Variants in STK16 observed in about 807,000 individuals in gnomAD.
STK16 encodes the protein serine/threonine kinase 16.
STK16 carries 28 observed loss-of-function variants against 37.8 expected under a neutral mutation model. That is an observed-to-expected ratio of 0.74 (90% CI 0.55 to 1.02). The LOEUF (loss-of-function observed/expected upper bound fraction) is 1.02. Among genes scored for constraint, STK16 ranks in the 50% least tolerant of loss-of-function variants. The pLI is 0.00. For missense variants in STK16, 349 were observed against 390.6 expected, an observed-to-expected ratio of 0.89 and a Z score of 0.90; for synonymous variants, 134 against 155.0, an observed-to-expected ratio of 0.86 and a Z score of 1.01.
In STK16 at chr2:219,248,758, G is replaced by C. The variant is rs1039686198; in HGVS notation, c.*199G>C. 1 of 531,896 alleles carries C rather than the reference G, an allele frequency of 1.9e-6. No homozygotes were observed. The allele number at this position is 531,896 out of a possible 1,614,324, so 32.9% of individuals were successfully genotyped here. A position where few individuals can be genotyped will look rare whatever the true frequency, so the allele number is the denominator to read the frequency against. On this transcript the variant is annotated 3_prime_UTR_variant, in exon 8 of 8. Transcript: ENST00000396738. ...ACCTGGGCAAGGGGACTTACTGAGT[G>C]GGGGTGGGTGGGGGTTGGGAAAAGG...
Position 219,245,902 on chromosome 2 carries a change from C to A in STK16, c.-98C>A. The stretch of plus-strand genomic sequence containing the variant: ...GCCGTTGTTTTCTTTCCAGCATGAT[C>A]CGCTGGGCCCCCAGCGCATCTCCTG... On this transcript the variant is annotated 5_prime_UTR_variant, in exon 2 of 8. Coordinates refer to ENST00000396738, the MANE Select transcript of STK16 (RefSeq NM_001330213.2). 6.6e-6 allele frequency: 6 copies of A among 912,032 alleles called. No individual in the cohort carries two copies. The highest frequency in any genetic ancestry group is 1.7e-5 in the African/African-American group (1 of 60,002). 56.5% of individuals were successfully genotyped at this position (912,032 alleles called of 1,614,324 possible). A position where few individuals can be genotyped will look rare whatever the true frequency, so the allele number is the denominator to read the frequency against.
intron 3 of STK16, 25 bp from the exon 4 acceptor site, chr2:219,247,088 A>G: frequency 6.2e-7 from 1 of 1,614,000 alleles, no homozygotes; most frequent in Non-Finnish European, 8.5e-7. Context: ...AAACATCTCC[A>G]ACTGTAGGGA....
rs768677138 is a variant in STK16, at chr2:219,247,237, A to G, written c.431A>G (p.Tyr144Cys). ...CTTGAGGCCATTCATGCCAAGGGTT[A>G]TGCCCACAGGTCAGTGGGAGGACCC... ...RGLEAIHAKG[Y>C]AHRDLKPTNI... The change falls in exon 4 of 8, where the codon TAT becomes TGT. Residue 144 changes from tyrosine (Y) to cysteine (C), a missense_variant. By Grantham distance (194) the Tyr-to-Cys change is radical. Transcript: ENST00000396738. 16 of 1,614,216 alleles carry G rather than the reference A, an allele frequency of 9.9e-6. No individual in the cohort carries two copies. Among genetic ancestry groups the G allele is most frequent in the Non-Finnish European group, 1.3e-5 (15 of 1,180,044 alleles).
Position 219,248,496 on chromosome 2 carries a change from C to T in STK16, c.855C>T (p.Leu285=), listed in dbSNP as rs545298462. 2.8e-4 allele frequency: 455 copies of T among 1,614,060 alleles called. 8 individuals carry two copies. The South Asian group carries it at 4.5e-3, about 16-fold the overall frequency. Residue 285 remains leucine (L), a synonymous_variant, in exon 8 of 8, where the codon CTC becomes CTT. Transcript: ENST00000396738. ...VDPHQRPHIP[L]LLSQLEALQP... is the part of the protein sequence containing the mutation. The stretch of plus-strand genomic sequence containing the variant: ...CGCATCAGCGTCCTCACATTCCTCT[C>T]CTCCTCAGTCAGCTGGAGGCGCTTC...
intron 6 of STK16, 52 bp downstream of exon 6, chr2:219,247,809 C>G (rs1176378778): frequency 6.6e-7 from 1 of 1,522,860 alleles, no homozygotes; most frequent in East Asian, 2.5e-5. Context: ...GGCTCTGTAC[C>G]CACCGTGGAG....
At chr2:219,248,354 C>G (rs774676736) in intron 7 of STK16, 40 bp downstream of exon 7, 2 of 1,613,194 alleles carry the variant, frequency 1.2e-6, no homozygotes, top group Admixed American at 1.7e-5. Context: ...GTTTCAGACT[C>G]CCCCCTGGTA....
Position 219,247,502 on chromosome 2 carries a change from T to C in STK16, c.528T>C (p.His176=). ...DLGSMNQACI[H]VEGSRQALTL... ...GTTCCATGAATCAAGCATGCATCCA[T>C]GTGGAGGGCTCCCGCCAGGCTCTGA... The change falls in exon 5 of 8, where the codon CAT becomes CAC. Residue 176 remains histidine, a synonymous_variant. Coordinates refer to ENST00000396738, the MANE Select transcript of STK16 (RefSeq NM_001330213.2). The C allele has an allele frequency of 6.2e-7, 1 of 1,614,178 alleles. No individual in the cohort carries two copies. The highest frequency in any genetic ancestry group is 8.5e-7 in the Non-Finnish European group (1 of 1,180,020).
chr2:219,248,037 C>T (rs1337010238), intron 6 of STK16, 156 bp from the exon 7 acceptor site: 4 of 1,190,890 alleles, frequency 3.4e-6, no homozygotes, highest in South Asian at 1.4e-5. Context: ...GCGGAGGCCT[C>T]CAGCTGACTG....
In STK16 at chr2:219,246,905, G is replaced by T. The variant is rs180854978; in HGVS notation, c.306+29G>T. The T allele has an allele frequency of 3.7e-5, 58 of 1,585,652 alleles. No individual in the cohort carries two copies. The East Asian group carries it at 1.2e-3, about 31-fold the overall frequency. ...AGAAAGACTCCTGGTTATGGAGGGG[G>T]TTGCAGCAGAGCCACCTACTCAAGG... On this transcript the variant is annotated intron_variant, in intron 3 of 7. Coordinates refer to ENST00000396738, the MANE Select transcript of STK16 (RefSeq NM_001330213.2). The surrounding 1 kb of genome is among the most constrained non-coding windows in gnomAD (Gnocchi z 4.5).
Position 219,248,450 on chromosome 2 carries a change from A to C in STK16, c.809A>C (p.Asn270Thr). Residue 270 changes from asparagine (N) to threonine (T), a missense_variant, in exon 8 of 8, where the codon AAC becomes ACC. Coordinates refer to ENST00000396738, the MANE Select transcript of STK16 (RefSeq NM_001330213.2). ...TCTTCAGCATTGCGGCAGCTCCTGA[A>C]CTCGATGATGACCGTGGACCCGCAT... ...RHSSALRQLL[N>T]SMMTVDPHQR... The C allele has an allele frequency of 3.1e-6, 5 of 1,613,858 alleles. No individual in the cohort carries two copies. Among genetic ancestry groups the C allele is most frequent in the Non-Finnish European group, 4.2e-6 (5 of 1,179,922 alleles).
In STK16 at chr2:219,246,572, A is replaced by G; in HGVS notation, c.87-85A>G. On this transcript the variant is annotated intron_variant, in intron 2 of 7. Transcript: ENST00000396738. The surrounding 1 kb of genome is among the most constrained non-coding windows in gnomAD (Gnocchi z 4.5). ...AAGGTTTCTGCTAAATGGGAAGGACACCCCACTCCCCACCAGGAAATTTCT... is the reference window on the plus strand; with the variant it reads ...AAGGTTTCTGCTAAATGGGAAGGACGCCCCACTCCCCACCAGGAAATTTCT... The G allele has an allele frequency of 2.8e-6, 3 of 1,058,900 alleles. No homozygotes were observed. The highest frequency in any genetic ancestry group is 4.4e-6 in the Non-Finnish European group (3 of 688,004). 65.6% of individuals were successfully genotyped at this position (1,058,900 alleles called of 1,614,324 possible). A position where few individuals can be genotyped will look rare whatever the true frequency, so the allele number is the denominator to read the frequency against.
At position 219,246,188 on chromosome 2, in the gene STK16, CCT is replaced by C. The variant is rs1284852624; in HGVS notation, c.86+109_86+110del. 4 of 969,686 alleles carry C rather than the reference CCT, an allele frequency of 4.1e-6. No individual in the cohort carries two copies. Among genetic ancestry groups the C allele is most frequent in the Non-Finnish European group, 6.3e-6 (4 of 639,658 alleles). 60.1% of individuals were successfully genotyped at this position (969,686 alleles called of 1,614,324 possible). On this transcript the variant is annotated intron_variant, in intron 2 of 7. Transcript: ENST00000396738. This position sits in a 1 kb window ranked among gnomAD's most constrained non-coding sequence, Gnocchi z 4.5. Reference sequence around the variant, plus strand: ...ACAAGGGTTTTATCCCTATCCCTGTCCTCTCTCACCTGACAGAACCTAGCTAC... The same window carrying C: ...ACAAGGGTTTTATCCCTATCCCTGTCCTCTCACCTGACAGAACCTAGCTAC...
chr2:219,248,092 G>C, intron 6 of STK16, 101 bp from the exon 7 acceptor site: 3 of 1,538,500 alleles, frequency 1.9e-6, no homozygotes, highest in Non-Finnish European at 2.7e-6. Context: ...TGAGGTCAGC[G>C]TATTCTTTTT....
At chr2:219,248,006 G>A in intron 6 of STK16, 187 bp from the exon 7 acceptor site, 1 of 919,242 alleles carries the variant, frequency 1.1e-6, no homozygotes. Context: ...GGCTAAGCAG[G>A]GGCTAAGCTA....
Position 219,245,978 on chromosome 2 carries a change from T to A in STK16, c.-22T>A. The A allele has an allele frequency of 6.2e-7, 1 of 1,610,266 alleles. No individual in the cohort carries two copies. On this transcript the variant is annotated 5_prime_UTR_variant, in exon 2 of 8. The change creates a premature stop within an existing upstream ORF in the 5' untranslated region. Transcript: ENST00000396738. The stretch of plus-strand genomic sequence containing the variant: ...CTCTTCGGTAGCCTCAGACCGTCCT[T>A]GAAGAGGATGACTGAGACATTATGG...
In STK16 at chr2:219,248,018, AC is replaced by A. The variant is rs1040204938; in HGVS notation, c.658-174del. The A allele has an allele frequency of 1.1e-5, 11 of 997,010 alleles. No homozygotes were observed. In the Admixed American group the frequency reaches 2.3e-4, roughly 20 times the overall value. 61.8% of individuals were successfully genotyped at this position (997,010 alleles called of 1,614,324 possible). A position where few individuals can be genotyped will look rare whatever the true frequency, so the allele number is the denominator to read the frequency against. On this transcript the variant is annotated intron_variant, in intron 6 of 7. Coordinates refer to ENST00000396738, the MANE Select transcript of STK16 (RefSeq NM_001330213.2). ...ACTGGCTAAGCAGGGGCTAAGCTAA[AC>A]AGGGGCTGCGGAGGCCTCCAGCTGA... is the stretch of plus-strand genomic sequence containing the variant.
rs1951521026 is a variant in STK16, at chr2:219,246,011, G to T, written c.12G>T (p.Ala4=). 1 of 1,613,788 alleles carries T rather than the reference G, an allele frequency of 6.2e-7. No individual in the cohort carries two copies. The highest frequency in any genetic ancestry group is 8.5e-7 in the Non-Finnish European group (1 of 1,179,882). Residue 4 remains alanine, a synonymous_variant, in exon 2 of 8, where the codon GCG becomes GCT. Transcript: ENST00000396738. This position sits in a 1 kb window ranked among gnomAD's most constrained non-coding sequence, Gnocchi z 4.5. MGH[A]LCVCSRGTVI... ...ATGACTGAGACATTATGGGCCACGC[G>T]CTGTGTGTCTGCTCTCGGGGAACTG...
intron 6 of STK16, 60 bp from the exon 7 acceptor site, chr2:219,248,133 T>G (rs1279250517): frequency 6.2e-7 from 1 of 1,603,306 alleles, no homozygotes; most frequent in Non-Finnish European, 8.5e-7. Flanking sequence ...ACCACAGAAG[T>G]AAAGGGAGAG....
In STK16 at chr2:219,248,454, G is replaced by T; in HGVS notation, c.813G>T (p.Ser271=). Residue 271 remains serine (S), a synonymous_variant, in exon 8 of 8, where the codon TCG becomes TCT. Coordinates refer to ENST00000396738, the MANE Select transcript of STK16 (RefSeq NM_001330213.2). ...CAGCATTGCGGCAGCTCCTGAACTCGATGATGACCGTGGACCCGCATCAGC... is the reference window on the plus strand; with the variant it reads ...CAGCATTGCGGCAGCTCCTGAACTCTATGATGACCGTGGACCCGCATCAGC... ...HSSALRQLLN[S]MMTVDPHQRP... 1 of 1,614,098 alleles carries T rather than the reference G, an allele frequency of 6.2e-7. No individual in the cohort carries two copies. The highest frequency in any genetic ancestry group is 1.1e-5 in the South Asian group (1 of 91,078).
Sources: gnomAD v4.1 joint callset for allele counts on GRCh38, gnomAD v4.1.1 for gene constraint, Gnocchi (gnomAD v3.1) non-coding constraint, MANE v1.5 for transcripts, NCBI Gene and HGNC (gene_info 2026-07-23, HGNC 2026-07-21) for gene names.